KBTBD11: variants seen among roughly 807,000 people sequenced by gnomAD.
KBTBD11 encodes kelch repeat and BTB domain containing 11.
For missense variants in KBTBD11, 1,390 were observed against 1,001.8 expected (o/e 1.39, Z -5.23); for synonymous variants, 747 against 499.0 (o/e 1.50, Z -6.63).
In KBTBD11 at chr8:2,003,235, C is replaced by G. The variant is rs1171908952; in HGVS notation, c.*171C>G. 9.1e-7 allele frequency: 1 copy of G among 1,099,992 alleles called. No homozygotes were observed. Among genetic ancestry groups the G allele is most frequent in the South Asian group, 4.8e-5 (1 of 20,944 alleles). 68.1% of individuals were successfully genotyped at this position (1,099,992 alleles called of 1,614,324 possible). A position where few individuals can be genotyped will look rare whatever the true frequency, so the allele number is the denominator to read the frequency against. On this transcript the variant is annotated 3_prime_UTR_variant, in exon 2 of 2. Coordinates refer to ENST00000320248, the MANE Select transcript of KBTBD11 (RefSeq NM_014867.3). ...TCAGGGCCGCTTTCGCTTTGCTTTC[C>G]TTTTGCTTGTCTTTGCTTCTGGGGG...
rs1450236290 is a variant in KBTBD11, at chr8:1,973,837, G to C, written c.-1007G>C. On this transcript the variant is annotated 5_prime_UTR_variant, in exon 1 of 2. Coordinates refer to ENST00000320248, the MANE Select transcript of KBTBD11 (RefSeq NM_014867.3). The stretch of plus-strand genomic sequence containing the variant: ...AGGTGCTCGGAGAGGCCGGGCCGCG[G>C]CTCCCACAGGTGCCGGGAAGCGGCC... 1.0e-6 allele frequency: 1 copy of C among 983,084 alleles called. No individual in the cohort carries two copies. The highest frequency in any genetic ancestry group is 1.2e-6 in the Non-Finnish European group (1 of 829,092). 60.9% of individuals were successfully genotyped at this position (983,084 alleles called of 1,614,324 possible). A position where few individuals can be genotyped will look rare whatever the true frequency, so the allele number is the denominator to read the frequency against.
At position 2,001,239 on chromosome 8, in the gene KBTBD11, C is replaced by A. The variant is rs1014185560; in HGVS notation, c.47C>A (p.Pro16His). 2 of 1,485,690 alleles carry A rather than the reference C, an allele frequency of 1.3e-6. No individual in the cohort carries two copies. The highest frequency in any genetic ancestry group is 8.9e-7 in the Non-Finnish European group (1 of 1,121,744). The allele number at this position is 1,485,690 out of a possible 1,614,324, so 92.0% of individuals were successfully genotyped here. The change falls in exon 2 of 2, where the codon CCC (proline) becomes CAC (histidine). Residue 16 changes from proline to histidine, a missense_variant. Transcript: ENST00000320248. ...APCVLYPGTE[P>H]GAAGESESEG... ...TGCGTCCTCTACCCAGGGACTGAGCCCGGGGCTGCCGGGGAGAGCGAGAGC... is the reference window on the plus strand; with the variant it reads ...TGCGTCCTCTACCCAGGGACTGAGCACGGGGCTGCCGGGGAGAGCGAGAGC...
chr8:1,984,204 G>A (rs934137212), intron 1 of KBTBD11, among the ~76,000 whole-genome samples: 10 of 151,876 alleles, frequency 6.6e-5, no homozygotes, highest in African/African-American at 1.9e-4. Flanking sequence ...TTGGGAGGCC[G>A]AGGTGGGAGG....
At chr8:1,981,573 G>A (rs974410307) in intron 1 of KBTBD11, among the ~76,000 whole-genome samples, 1 of 152,188 alleles carries the variant, frequency 6.6e-6, no homozygotes, top group African/African-American at 2.4e-5. Flanking sequence ...GTCTGTGAGG[G>A]TGTTCCTGGA....
At chr8:1,974,224 C>G in intron 1 of KBTBD11, 1 of 911,908 alleles carries the variant, frequency 1.1e-6, no homozygotes, top group Non-Finnish European at 1.3e-6. Context: ...CTCCGGGAGG[C>G]CGCGTGGGGG....
intron 1 of KBTBD11, among the ~76,000 whole-genome samples, chr8:1,980,331 T>C (rs111243964): frequency 6.8e-5 from 10 of 148,124 alleles, no homozygotes; most frequent in Middle Eastern, 3.3e-3. Context: ...GGTTCAAGCA[T>C]TTCTCCTGCC....
chr8:1,974,009 AGGG>A, intron 1 of KBTBD11, 74 bp downstream of exon 1: 1 of 303,460 alleles, frequency 3.3e-6, no homozygotes, highest in Non-Finnish European at 4.2e-6. Flanking sequence ...CGCGGGTCGG[AGGG>A]GGCGGCGGGT....
chr8:1,977,735 CA>C (rs1816398276), intron 1 of KBTBD11, among the ~76,000 whole-genome samples: 1 of 152,150 alleles, frequency 6.6e-6, no homozygotes. Context: ...GGGGTCTCAG[CA>C]TGTTAGCCAG....
intron 1 of KBTBD11, among the ~76,000 whole-genome samples, chr8:1,986,417 T>C (rs1816707348): frequency 6.6e-6 from 1 of 152,230 alleles, no homozygotes; most frequent in Non-Finnish European, 1.5e-5. Flanking sequence ...AATAAACCCA[T>C]GAGATTATTA....
intron 1 of KBTBD11, among the ~76,000 whole-genome samples, chr8:1,995,024 A>C (rs1214941801): frequency 1.5e-4 from 21 of 143,582 alleles, no homozygotes; most frequent in Non-Finnish European, 3.0e-5. Context: ...GTGCCATTGC[A>C]CTACAGCCTG....
At chr8:1,993,004 C>T (rs962551380) in intron 1 of KBTBD11, among the ~76,000 whole-genome samples, 3 of 152,096 alleles carry the variant, frequency 2.0e-5, no homozygotes, top group Non-Finnish European at 4.4e-5. Flanking sequence ...GTGGCATGAT[C>T]TTGACTCACT....
Position 2,001,851 on chromosome 8 carries a change from C to T in KBTBD11, c.659C>T (p.Ala220Val), listed in dbSNP as rs1563379778. ...CGCCGCCTGCAGCTGCCCGGCGCCG[C>T]GCAGCGCGCCACCGACGCCGTGGGG... ...GARRLQLPGA[A>V]QRATDAVGPQ... Residue 220 changes from alanine to valine, a missense_variant, in exon 2 of 2, where the codon GCG becomes GTG. Physicochemically the swap from Ala to Val is moderately conservative, Grantham distance 64. Transcript: ENST00000320248. 1 of 1,256,130 alleles carries T rather than the reference C, an allele frequency of 8.0e-7. No homozygotes were observed. The highest frequency in any genetic ancestry group is 2.2e-5 in the South Asian group (1 of 45,168). The allele number at this position is 1,256,130 out of a possible 1,614,324, so 77.8% of individuals were successfully genotyped here.
At chr8:1,996,610 C>T (rs1166867267) in intron 1 of KBTBD11, among the ~76,000 whole-genome samples, 1 of 151,982 alleles carries the variant, frequency 6.6e-6, no homozygotes, top group Non-Finnish European at 1.5e-5. Flanking sequence ...TTTACATAAA[C>T]TCCCTAAGTC....
chr8:1,998,035 C>T (rs1197203451), intron 1 of KBTBD11, among the ~76,000 whole-genome samples: 1 of 152,204 alleles, frequency 6.6e-6, no homozygotes, highest in African/African-American at 2.4e-5. Flanking sequence ...GGAATAAGAA[C>T]CAGTTCTAAC....
rs1261906294 is a variant in KBTBD11, at chr8:2,003,932, C to T, written c.*868C>T. ...TGATAGTCCACTCTGTATGCCCAGC[C>T]GCTTTCATAATCTGGAACGAGATAA... On this transcript the variant is annotated 3_prime_UTR_variant, in exon 2 of 2. Coordinates refer to ENST00000320248, the MANE Select transcript of KBTBD11 (RefSeq NM_014867.3). 1 of 166,844 alleles carries T rather than the reference C, an allele frequency of 6.0e-6. No homozygotes were observed. Among genetic ancestry groups the T allele is most frequent in the Non-Finnish European group, 1.5e-5 (1 of 68,120 alleles). The allele number at this position is 166,844 out of a possible 1,614,324, so 10.3% of individuals were successfully genotyped here. A position where few individuals can be genotyped will look rare whatever the true frequency, so the allele number is the denominator to read the frequency against.
chr8:1,981,530 C>T (rs1331374096), intron 1 of KBTBD11, among the ~76,000 whole-genome samples: 3 of 152,078 alleles, frequency 2.0e-5, no homozygotes, highest in African/African-American at 7.2e-5. Context: ...TAAGGGACAC[C>T]CCAATAGCTC....
At chr8:1,976,316 A>G (rs1816342053) in intron 1 of KBTBD11, 1 of 152,112 alleles carries the variant, frequency 6.6e-6, no homozygotes, top group Non-Finnish European at 1.5e-5. Flanking sequence ...AATCATTGTA[A>G]TTAAGCTAAA....
In KBTBD11 at chr8:2,001,708, C is replaced by T. The variant is rs1286034848; in HGVS notation, c.516C>T (p.Asp172=). 1 of 1,426,952 alleles carries T rather than the reference C, an allele frequency of 7.0e-7. No homozygotes were observed. The highest frequency in any genetic ancestry group is 2.8e-5 in the Admixed American group (1 of 36,024). The allele number at this position is 1,426,952 out of a possible 1,614,324, so 88.4% of individuals were successfully genotyped here. ...ACTTCCGCGCGCGCGCGTCGCGGGA[C>T]GTGCTGCGGGTGCAGGGAGTGAGCC... is the stretch of plus-strand genomic sequence containing the variant. ...SDYFRARASR[D]VLRVQGVSLT... The change falls in exon 2 of 2, where the codon GAC becomes GAT. Residue 172 remains aspartate, a synonymous_variant. Coordinates refer to ENST00000320248, the MANE Select transcript of KBTBD11 (RefSeq NM_014867.3).
chr8:2,001,407 G>GGGT lies in KBTBD11; in HGVS notation c.221_223dup (p.Val74dup). The GGGT allele has an allele frequency of 7.1e-7, 1 of 1,402,578 alleles. No individual in the cohort carries two copies. The highest frequency in any genetic ancestry group is 9.2e-7 in the Non-Finnish European group (1 of 1,082,700). 86.9% of individuals were successfully genotyped at this position (1,402,578 alleles called of 1,614,324 possible). A position where few individuals can be genotyped will look rare whatever the true frequency, so the allele number is the denominator to read the frequency against. On this transcript the variant is annotated inframe_insertion, in exon 2 of 2. Transcript: ENST00000320248. ...TCCCCGCCCTCCAGCGGTGGCCCGC[G>GGGT]GGTGGTGGAGCGGCAGTGGGAGGCC...
Sources: gnomAD v4.1 joint callset for allele counts (sites outside exome capture counted in the v4.1 genomes callset) on GRCh38, gnomAD v4.1.1 for gene constraint, MANE v1.5 for transcripts, NCBI Gene and HGNC (gene_info 2026-07-23, HGNC 2026-07-21) for gene names.